SLC4A4: variants seen among roughly 807,000 people sequenced by gnomAD.
SLC4A4 encodes the protein solute carrier family 4 member 4.
Under a neutral mutation model 111.5 loss-of-function variants are expected in SLC4A4, and 27 were observed. The observed-to-expected ratio is 0.24, with a 90% CI of 0.18 to 0.33. The LOEUF (loss-of-function observed/expected upper bound fraction) is 0.33, where lower values mean the gene tolerates loss of function less well. Among genes scored for constraint, SLC4A4 ranks in the 10% least tolerant of loss-of-function variants. The pLI, the probability that SLC4A4 is intolerant of heterozygous loss-of-function variation, is 1.00. For synonymous variants in SLC4A4, 443 were observed against 463.4 expected (o/e 0.96, Z 0.57); for missense variants, 909 against 1,315.5 (o/e 0.69, Z 4.78).
intron 7 of SLC4A4, among the ~76,000 whole-genome samples, chr4:71,430,737 G>T (rs1442473861): frequency 6.6e-6 from 1 of 152,138 alleles, no homozygotes; most frequent in Admixed American, 6.6e-5. Flanking sequence ...TTTGGGTGCT[G>T]ACCTCACCCT....
At chr4:71,306,553 A>AG (rs1322934926) in intron 3 of SLC4A4, among the ~76,000 whole-genome samples, 2 of 152,134 alleles carry the variant, frequency 1.3e-5, no homozygotes. Context: ...ACTGCACTCC[A>AG]GTTTGGCAAC....
chr4:71,140,255 A>G (rs183577837), intron 2 of SLC4A4, among the ~76,000 whole-genome samples: 43 of 152,256 alleles, frequency 2.8e-4, no homozygotes, highest in African/African-American at 1.0e-3. Flanking sequence ...CCCTGACGCT[A>G]CAGAAAATAC....
intron 6 of SLC4A4, among the ~76,000 whole-genome samples, chr4:71,377,617 G>A (rs570269605): frequency 6.6e-6 from 1 of 152,234 alleles, no homozygotes; most frequent in East Asian, 1.9e-4. Context: ...TCTTACTCAT[G>A]CTACTATATG....
chr4:71,323,401 G>T (rs930274465), intron 3 of SLC4A4, among the ~76,000 whole-genome samples: 2 of 151,952 alleles, frequency 1.3e-5, no homozygotes, highest in Non-Finnish European at 2.9e-5. Context: ...CAACAAGAAA[G>T]AATTTTTTTA....
At chr4:71,244,871 G>A (rs773574624) in intron 2 of SLC4A4, among the ~76,000 whole-genome samples, 14 of 151,052 alleles carry the variant, frequency 9.3e-5, no homozygotes, top group Non-Finnish European at 1.8e-4. Context: ...ATCATTGAAT[G>A]TGATAACATT....
In SLC4A4 at chr4:71,486,973, C is replaced by A. The variant is rs139300696; in HGVS notation, c.1929C>A (p.Thr643=). 1.9e-6 allele frequency: 3 copies of A among 1,601,866 alleles called. No homozygotes were observed. Among genetic ancestry groups the A allele is most frequent in the Non-Finnish European group, 1.7e-6 (2 of 1,171,128 alleles). ...CTAATATCTCAATATCTAATGACAC[C>A]ACACTGGCCCCAGAGTATTTGCCAA... is the stretch of plus-strand genomic sequence containing the variant. ...DPANISISND[T]TLAPEYLPTM... Residue 643 remains threonine (T), a synonymous_variant, in exon 15 of 26, where the codon ACC becomes ACA. Coordinates refer to ENST00000264485, the MANE Select transcript of SLC4A4 (RefSeq NM_001098484.3).
At chr4:71,390,778 TAA>T (rs1719182045) in intron 6 of SLC4A4, among the ~76,000 whole-genome samples, 1 of 152,108 alleles carries the variant, frequency 6.6e-6, no homozygotes, top group Admixed American at 6.5e-5. Flanking sequence ...CACAGAGAGA[TAA>T]GTTTCCCTCT....
chr4:71,154,213 G>A (rs534476804), intron 2 of SLC4A4, among the ~76,000 whole-genome samples: 6 of 152,252 alleles, frequency 3.9e-5, no homozygotes, highest in African/African-American at 1.4e-4. Flanking sequence ...TCCTGGAAAT[G>A]AGCTTATGGC....
intron 3 of SLC4A4, among the ~76,000 whole-genome samples, chr4:71,269,730 G>A (rs944293341): frequency 1.3e-5 from 2 of 152,182 alleles, no homozygotes; most frequent in African/African-American, 4.8e-5. Context: ...TATAATGCCA[G>A]TGTTATTTTT....
intron 2 of SLC4A4, among the ~76,000 whole-genome samples, chr4:71,245,426 T>C (rs557894998): frequency 6.6e-6 from 1 of 152,160 alleles, no homozygotes; most frequent in South Asian, 2.1e-4. Flanking sequence ...GAGATGATTT[T>C]GGGTTGGACA....
At chr4:71,532,303 C>A in intron 17 of SLC4A4, 128 bp downstream of exon 17, 1 of 705,862 alleles carries the variant, frequency 1.4e-6, no homozygotes, top group Non-Finnish European at 2.6e-6. Context: ...CAAAATCAGT[C>A]CCTCTTAGGC....
intron 2 of SLC4A4, among the ~76,000 whole-genome samples, chr4:71,106,063 A>G (rs1436436159): frequency 2.1e-5 from 3 of 144,620 alleles, no homozygotes; most frequent in African/African-American, 7.7e-5. Flanking sequence ...AATGAACTCA[A>G]ACAAATTTAC....
intron 6 of SLC4A4, among the ~76,000 whole-genome samples, chr4:71,394,307 A>AG (rs1719589415): frequency 6.6e-6 from 1 of 151,676 alleles, no homozygotes; most frequent in South Asian, 2.1e-4. Context: ...CAAATTAGTA[A>AG]GGAAAAAAAA....
At chr4:71,325,834 A>G (rs548849600) in intron 3 of SLC4A4, among the ~76,000 whole-genome samples, 2 of 152,052 alleles carry the variant, frequency 1.3e-5, no homozygotes, top group African/African-American at 4.8e-5. Flanking sequence ...CATTAGAAAA[A>G]GAGCTTAAAG....
intron 3 of SLC4A4, among the ~76,000 whole-genome samples, chr4:71,312,522 A>C (rs550069054): frequency 3.3e-5 from 5 of 152,366 alleles, no homozygotes; most frequent in Admixed American, 6.5e-5. Flanking sequence ...GAAAATCCTC[A>C]GTAAAATACT....
At chr4:71,465,350 A>G (rs150064260) in intron 12 of SLC4A4, among the ~76,000 whole-genome samples, 2 of 151,840 alleles carry the variant, frequency 1.3e-5, no homozygotes, top group Admixed American at 6.6e-5. Flanking sequence ...GTTCAGATTT[A>G]TAGCTTCATG....
At chr4:71,212,774 G>A (rs1718207470) in intron 1 of SLC4A4, among the ~76,000 whole-genome samples, 1 of 152,188 alleles carries the variant, frequency 6.6e-6, no homozygotes, top group African/African-American at 2.4e-5. Flanking sequence ...AGGTACTAGG[G>A]AGCTGAGCAG....
At chr4:71,380,982 T>A (rs879292685) in intron 6 of SLC4A4, among the ~76,000 whole-genome samples, 4 of 152,220 alleles carry the variant, frequency 2.6e-5, no homozygotes, top group Non-Finnish European at 5.9e-5. Context: ...TGTAATTTTC[T>A]GCAATGGTTC....
chr4:71,206,983 G>A (rs1187644798), intron 1 of SLC4A4, among the ~76,000 whole-genome samples: 1 of 152,008 alleles, frequency 6.6e-6, no homozygotes, highest in Non-Finnish European at 1.5e-5. Flanking sequence ...GTGGTCTTGG[G>A]GAATTCACTT....
Sources: gnomAD v4.1 joint callset for allele counts (sites outside exome capture counted in the v4.1 genomes callset) on GRCh38, gnomAD v4.1.1 for gene constraint, MANE v1.5 for transcripts, NCBI Gene and HGNC (gene_info 2026-07-23, HGNC 2026-07-21) for gene names.